The following LIPA variants were observed in gnomAD, a reference collection of about 807,000 sequenced individuals.
LIPA encodes lipase A, lysosomal acid type, also known as lysosomal acid lipase/cholesteryl ester hydrolase.
Under a neutral mutation model 40.6 loss-of-function variants are expected in LIPA, and 26 were observed. The ratio of observed to expected loss-of-function variants is 0.64; its 90% CI spans 0.47 to 0.89. The LOEUF is 0.89. Among genes scored for constraint, LIPA ranks in the 40% least tolerant of loss-of-function variants. The pLI is 0.00. For missense variants in LIPA, 455 were observed against 479.6 expected (o/e 0.95, Z 0.48); for synonymous variants, 188 against 168.4 (o/e 1.12, Z -0.90).
chr10:89,307,328 G>C (rs1372316957), intron 1 of LIPA: 2 of 1,612,374 alleles, frequency 1.2e-6, no homozygotes, highest in Non-Finnish European at 1.7e-6. Context: ...GAGGGGTTTG[G>C]AGTCTGGAAG....
Position 89,306,945 on chromosome 10 carries a change from A to G in LIPA, c.-2+35666T>C, listed in dbSNP as rs182750115. On this transcript the variant is annotated intron_variant, in intron 1 of 5. Transcript: ENST00000282673. ...CATCTGAAGAAAGCTGATGAGGCCA[A>G]TGATAATCTCTTCCGTGTCTGTTCC... 142 of 1,614,088 alleles carry G rather than the reference A, an allele frequency of 8.8e-5. No homozygotes were observed. The African/African-American group carries it at 1.5e-3, about 17-fold the overall frequency.
intron 2 of LIPA, among the ~76,000 whole-genome samples, chr10:89,359,821 A>T (rs900779906): frequency 5.3e-5 from 8 of 150,496 alleles, no homozygotes; most frequent in South Asian, 2.1e-4. Context: ...TCTCTCACAC[A>T]CACACACACA....
In LIPA at chr10:89,296,261, A is replaced by G. The variant is rs189276344; in HGVS notation, c.-2+46350T>C. Among the ~76,000 whole-genome samples the G allele has an allele frequency of 3.2e-3, 492 of 152,220 alleles. 3 individuals carry two copies. The highest frequency in any genetic ancestry group is 5.4e-3 in the Non-Finnish European group (369 of 67,998). ...CCTAGCACTTTGGGAGTGCTTCCCAAGGCGGGCAGATCCCTTAAGGCCAGA... is the reference window on the plus strand; with the variant it reads ...CCTAGCACTTTGGGAGTGCTTCCCAGGGCGGGCAGATCCCTTAAGGCCAGA... On this transcript the variant is annotated intron_variant, in intron 1 of 5. Coordinates refer to the LIPA transcript ENST00000282673.
intron 1 of LIPA, among the ~76,000 whole-genome samples, chr10:89,282,981 A>G (rs746840615): frequency 3.3e-5 from 5 of 152,238 alleles, no homozygotes; most frequent in Non-Finnish European, 5.9e-5. Flanking sequence ...CATGAGTGTA[A>G]AATGGAGTAA....
intron 1 of LIPA, among the ~76,000 whole-genome samples, chr10:89,268,650 T>G (rs549615924): frequency 1.4e-4 from 21 of 152,356 alleles, no homozygotes; most frequent in African/African-American, 4.6e-4. Flanking sequence ...TCATTTTTAA[T>G]GGTTGCATGT....
At chr10:89,310,823 G>T (rs1184890896) in intron 1 of LIPA, among the ~76,000 whole-genome samples, 1 of 152,200 alleles carries the variant, frequency 6.6e-6, no homozygotes, top group Admixed American at 6.5e-5. Flanking sequence ...CTGTTGAAAA[G>T]GAGGCTACCA....
intron 3 of LIPA, among the ~76,000 whole-genome samples, chr10:89,239,941 C>A (rs948061134): frequency 6.6e-6 from 1 of 152,178 alleles, no homozygotes; most frequent in Non-Finnish European, 1.5e-5. Context: ...CCCTCTCTGC[C>A]ACCACGGCCT....
intron 2 of LIPA, among the ~76,000 whole-genome samples, chr10:89,372,508 G>C (rs141547150): frequency 6.6e-6 from 1 of 152,160 alleles, no homozygotes; most frequent in Non-Finnish European, 1.5e-5. Flanking sequence ...CAAATTAAGC[G>C]CTTATCAATC....
In LIPA at chr10:89,281,910, A is replaced by G. The variant is rs555292857; in HGVS notation, c.-1-34261T>C. ...CCTACTTAGTGTTCCTGGCTGAGATATTCAACCCTGGCTCTTGGTTCTCCA... is the reference window on the plus strand; with the variant it reads ...CCTACTTAGTGTTCCTGGCTGAGATGTTCAACCCTGGCTCTTGGTTCTCCA... On this transcript the variant is annotated intron_variant, in intron 1 of 5. Transcript: ENST00000282673. 2.4e-3 allele frequency among the ~76,000 whole-genome samples: 372 copies of G among 152,348 alleles called. 1 individual carries two copies. Among genetic ancestry groups the G allele is most frequent in the African/African-American group, 8.5e-3 (355 of 41,580 alleles).
chr10:89,250,806 A>C (rs1380424951), intron 1 of LIPA, among the ~76,000 whole-genome samples: 1 of 152,148 alleles, frequency 6.6e-6, no homozygotes, highest in Non-Finnish European at 1.5e-5. Flanking sequence ...ATACTAAGCC[A>C]AGCAATTCTT....
chr10:89,392,471 ACCC>A (rs11296868), intron 2 of LIPA: 1 of 127,998 alleles, frequency 7.8e-6, no homozygotes, highest in Non-Finnish European at 1.6e-5. Flanking sequence ...TTCATTCCCC[ACCC>A]CCCCCCGTCA....
intron 3 of LIPA, among the ~76,000 whole-genome samples, chr10:89,245,062 T>G (rs1159640637): frequency 1.3e-5 from 2 of 152,214 alleles, no homozygotes; most frequent in African/African-American, 2.4e-5. Flanking sequence ...TGAAATATCA[T>G]GCACTTCTGG....
At position 89,377,349 on chromosome 10, in the gene LIPA, C is replaced by T. The variant is rs1844128930; in HGVS notation, c.61+35442G>A. ...ATGACCCCATCACATTCTCTGACTA[C>T]ATTGCATATGTTTCTCTACTGACCA... On this transcript the variant is annotated intron_variant, in intron 2 of 8. Coordinates refer to the LIPA transcript ENST00000371837. Among the ~76,000 whole-genome samples, 4 of 152,222 alleles carry T rather than the reference C, an allele frequency of 2.6e-5. No homozygotes were observed. The South Asian group carries it at 8.3e-4, about 32-fold the overall frequency.
chr10:89,253,855 G>A (rs1361151449), upstream of LIPA, among the ~76,000 whole-genome samples: 1 of 152,258 alleles, frequency 6.6e-6, no homozygotes, highest in Non-Finnish European at 1.5e-5. Flanking sequence ...AAAGCCGCAT[G>A]CAAGTCCAGA....
intron 1 of LIPA, among the ~76,000 whole-genome samples, chr10:89,260,670 C>A (rs1843203074): frequency 6.6e-6 from 1 of 152,150 alleles, no homozygotes. Context: ...CCCACCTCCA[C>A]ACACATTACA....
At chr10:89,236,234 T>C (rs1297773683) in intron 3 of LIPA, among the ~76,000 whole-genome samples, 2 of 152,214 alleles carry the variant, frequency 1.3e-5, no homozygotes, top group East Asian at 3.8e-4. Context: ...AAGAGAAATG[T>C]AAACAAATGT....
intron 1 of LIPA, among the ~76,000 whole-genome samples, chr10:89,327,185 T>C (rs1250756466): frequency 6.6e-6 from 1 of 152,186 alleles, no homozygotes; most frequent in Non-Finnish European, 1.5e-5. Flanking sequence ...AAGGTTTTAT[T>C]ATGCAGATGA....
At chr10:89,404,146 C>T (rs972408335) in intron 2 of LIPA, 1 of 153,416 alleles carries the variant, frequency 6.5e-6, no homozygotes, top group African/African-American at 2.4e-5. Flanking sequence ...ATTATATTCC[C>T]TCCCTTGCTA....
At chr10:89,362,611 C>A in intron 2 of LIPA, 1 of 350,128 alleles carries the variant, frequency 2.9e-6, no homozygotes, top group South Asian at 6.9e-5. Context: ...GGCAAATTTG[C>A]CTGGGCGTAT....
Sources: gnomAD v4.1 joint callset for allele counts (sites outside exome capture counted in the v4.1 genomes callset) on GRCh38, gnomAD v4.1.1 for gene constraint, MANE v1.5 for transcripts, NCBI Gene and HGNC (gene_info 2026-07-23, HGNC 2026-07-21) for gene names.